Variants in TTC39B observed in about 807,000 individuals in gnomAD.
TTC39B encodes tetratricopeptide repeat domain 39B, also known as tetratricopeptide repeat protein 39B.
In TTC39B, 92 loss-of-function variants were observed where a neutral mutation model predicts 96.6. That is an observed-to-expected ratio of 0.95 (90% CI 0.80 to 1.13). The LOEUF (loss-of-function observed/expected upper bound fraction) is 1.13. TTC39B is among the 50% of genes most tolerant of loss of function. TTC39B has a pLI of 0.00. For synonymous variants in TTC39B, 367 were observed against 299.4 expected (o/e 1.23, Z -2.33); for missense variants, 955 against 809.3 (o/e 1.18, Z -2.18).
At chr9:15,269,268 T>C (rs945307141) in intron 1 of TTC39B, among the ~76,000 whole-genome samples, 8 of 152,250 alleles carry the variant, frequency 5.3e-5, no homozygotes, top group African/African-American at 1.9e-4. Context: ...CCTTGTTTAC[T>C]TGGTCACCCT....
At chr9:15,256,030 T>C (rs1282554705) in intron 2 of TTC39B, among the ~76,000 whole-genome samples, 1 of 152,188 alleles carries the variant, frequency 6.6e-6, no homozygotes, top group Non-Finnish European at 1.5e-5. Context: ...AATGTTTGTG[T>C]CCCTCCAAAA....
chr9:15,208,293 G>A (rs1312809510), intron 6 of TTC39B, among the ~76,000 whole-genome samples: 1 of 151,820 alleles, frequency 6.6e-6, no homozygotes, highest in Non-Finnish European at 1.5e-5. Context: ...AAAGTGCTGG[G>A]ATTACAGGTG....
intron 2 of TTC39B, among the ~76,000 whole-genome samples, chr9:15,239,041 C>T (rs1821916377): frequency 6.6e-6 from 1 of 152,118 alleles, no homozygotes; most frequent in South Asian, 2.1e-4. Context: ...CATCCAGAAT[C>T]TACAAGGAAC....
At chr9:15,220,672 T>A (rs1356787607) in intron 3 of TTC39B, among the ~76,000 whole-genome samples, 1 of 152,172 alleles carries the variant, frequency 6.6e-6, no homozygotes, top group Non-Finnish European at 1.5e-5. Context: ...GAGTTTTTTT[T>A]TTCTTTTCAT....
At chr9:15,196,565 G>A (rs1469951026) in intron 8 of TTC39B, among the ~76,000 whole-genome samples, 1 of 152,230 alleles carries the variant, frequency 6.6e-6, no homozygotes. Context: ...AGTGGAGCCT[G>A]AAGATGAGAC....
At chr9:15,215,783 G>T (rs1469431438) in intron 3 of TTC39B, among the ~76,000 whole-genome samples, 1 of 151,912 alleles carries the variant, frequency 6.6e-6, no homozygotes, top group Non-Finnish European at 1.5e-5. Context: ...AGAATTGCTT[G>T]AACCTGGAAG....
chr9:15,184,936 C>T lies in TTC39B; in HGVS notation c.1614+344G>A, dbSNP rs62538514. On this transcript the variant is annotated intron_variant, in intron 16 of 19. Coordinates refer to ENST00000512701, the Ensembl canonical transcript of TTC39B. ...GAAAAGGTAAAATTACATAATGTGGCTTGCATTAGAATTCAACTCAACTTC... is the reference window on the plus strand; with the variant it reads ...GAAAAGGTAAAATTACATAATGTGGTTTGCATTAGAATTCAACTCAACTTC... Among the ~76,000 whole-genome samples, 1,206 of 152,200 alleles carry T rather than the reference C, an allele frequency of 7.9e-3. 10 individuals are homozygous for T. Among genetic ancestry groups the T allele is most frequent in the Middle Eastern group, 0.014 (4 of 294 alleles).
intron 8 of TTC39B, among the ~76,000 whole-genome samples, chr9:15,195,225 C>G (rs1447085751): frequency 1.3e-5 from 2 of 152,120 alleles, no homozygotes; most frequent in African/African-American, 4.8e-5. Context: ...ACAAACCACC[C>G]ACAACACTCC....
At chr9:15,261,772 T>A (rs1206904192) in intron 2 of TTC39B, among the ~76,000 whole-genome samples, 2 of 152,326 alleles carry the variant, frequency 1.3e-5, no homozygotes, top group Non-Finnish European at 2.9e-5. Context: ...TCTTTTGGAA[T>A]TCCCAAAACA....
chr9:15,282,835 C>G (rs540176017), intron 1 of TTC39B, among the ~76,000 whole-genome samples: 1 of 137,520 alleles, frequency 7.3e-6, no homozygotes, highest in African/African-American at 2.6e-5. Context: ...CAGAGTCCAG[C>G]TTCAGAATCT....
At chr9:15,231,803 G>A (rs965434544) in intron 2 of TTC39B, among the ~76,000 whole-genome samples, 2 of 152,186 alleles carry the variant, frequency 1.3e-5, no homozygotes, top group African/African-American at 4.8e-5. Flanking sequence ...TGTCCTTCAA[G>A]GTTTTCCATC....
intron 2 of TTC39B, among the ~76,000 whole-genome samples, chr9:15,262,153 C>T (rs1417637916): frequency 1.3e-5 from 2 of 152,086 alleles, no homozygotes; most frequent in Admixed American, 6.6e-5. Context: ...GGCTGGAGTG[C>T]AGTGGCACAA....
intron 6 of TTC39B, among the ~76,000 whole-genome samples, chr9:15,209,309 G>T (rs1820053972): frequency 6.6e-6 from 1 of 152,092 alleles, no homozygotes; most frequent in South Asian, 2.1e-4. Flanking sequence ...AGCAACAGGG[G>T]TCATTTCCTC....
At position 15,214,126 on chromosome 9, in the gene TTC39B, CAAAGT is replaced by C. The variant is rs775556940; in HGVS notation, c.482+8_482+12del. 2 of 1,581,070 alleles carry C rather than the reference CAAAGT, an allele frequency of 1.3e-6. No homozygotes were observed. On this transcript the variant is annotated splice_region_variant and intron_variant, in intron 4 of 19. Transcript: ENST00000512701. ...TGAAAGATATTTTATCTAAAAGAGACAAAGTAAATTACCAGGGGCGAAGCAATTCT... is the reference window on the plus strand; with the variant it reads ...TGAAAGATATTTTATCTAAAAGAGACAAATTACCAGGGGCGAAGCAATTCT...
At position 15,193,939 on chromosome 9, in the gene TTC39B, T is replaced by TGA. The variant is rs569975153; in HGVS notation, c.825-1246_825-1245dup. On this transcript the variant is annotated intron_variant, in intron 8 of 19. Transcript: ENST00000512701. The stretch of plus-strand genomic sequence containing the variant: ...CGAATGAAAAGAGACTAAGGAGACA[T>TGA]GACAGCTAACCTCGATATCCAGGAT... Among the ~76,000 whole-genome samples, 22 of 152,270 alleles carry TGA rather than the reference T, an allele frequency of 1.4e-4. No homozygotes were observed. The East Asian group carries it at 4.3e-3, about 29-fold the overall frequency.
At chr9:15,285,122 G>A (rs558770321) in intron 1 of TTC39B, among the ~76,000 whole-genome samples, 1 of 151,926 alleles carries the variant, frequency 6.6e-6, no homozygotes, top group African/African-American at 2.4e-5. Flanking sequence ...AAAATCAGCC[G>A]GGCGTGGTGG....
At chr9:15,249,964 A>G in intron 2 of TTC39B, 1 of 1,288,410 alleles carries the variant, frequency 7.8e-7, no homozygotes, top group Non-Finnish European at 1.0e-6. Context: ...TAGTCCCACT[A>G]TGAAGATGTC....
At chr9:15,263,029 A>C (rs1342819240) in intron 2 of TTC39B, among the ~76,000 whole-genome samples, 2 of 152,208 alleles carry the variant, frequency 1.3e-5, no homozygotes, top group Admixed American at 1.3e-4. Flanking sequence ...CAACTGAAGA[A>C]ATTTTTTACA....
At chr9:15,199,968 AT>A in intron 7 of TTC39B, 43 bp from the exon 8 acceptor site, 3 of 1,181,136 alleles carry the variant, frequency 2.5e-6, no homozygotes, top group Non-Finnish European at 3.7e-6. Context: ...TTAGCAAAAA[AT>A]TTTAAATTGT....
Sources: allele counts gnomAD v4.1 joint callset (sites outside exome capture counted in the v4.1 genomes callset), GRCh38; gene constraint gnomAD v4.1.1; transcripts MANE v1.5; gene names NCBI Gene and HGNC (gene_info 2026-07-23, HGNC 2026-07-21).